Variants in FTCDNL1 observed in about 807,000 individuals in gnomAD.
The protein encoded by FTCDNL1 is formiminotransferase cyclodeaminase N-terminal like, also known as formiminotransferase N-terminal subdomain-containing protein.
A neutral mutation model predicts 5.9 loss-of-function variants in FTCDNL1; 11 were observed. The ratio of observed to expected loss-of-function variants is 1.87; its 90% CI spans 1.18 to 3.10. The LOEUF (loss-of-function observed/expected upper bound fraction) is 3.10, where lower values mean the gene tolerates loss of function less well. FTCDNL1 is among the 30% of genes most tolerant of loss of function. The pLI, the probability that FTCDNL1 is intolerant of heterozygous loss-of-function variation, is 0.00. For missense variants in FTCDNL1, 115 were observed against 65.5 expected (o/e 1.76, Z -2.61); for synonymous variants, 58 against 24.8 (o/e 2.34, Z -3.99).
chr2:199,702,112 G>A, the FTCDNL1 span, among the ~76,000 whole-genome samples: 1 of 152,052 alleles, frequency 6.6e-6, no homozygotes, highest in African/African-American at 2.4e-5. Context: ...ACAGAGAAGG[G>A]AACAACAGAC....
chr2:199,756,910 G>A (rs1477245202), downstream of FTCDNL1, among the ~76,000 whole-genome samples: 2 of 152,158 alleles, frequency 1.3e-5, no homozygotes, highest in African/African-American at 4.8e-5. Context: ...CAAACCATAA[G>A]CTGGCTCTCA....
chr2:199,761,238 G>A (rs1036039797), intron 3 of FTCDNL1, among the ~76,000 whole-genome samples: 16 of 152,210 alleles, frequency 1.1e-4, no homozygotes, highest in African/African-American at 3.9e-4. Flanking sequence ...ATCCCAGCCA[G>A]GGCCACATCA....
intron 3 of FTCDNL1, among the ~76,000 whole-genome samples, chr2:199,829,187 A>G (rs1702214833): frequency 6.6e-6 from 1 of 152,132 alleles, no homozygotes; most frequent in Non-Finnish European, 1.5e-5. Context: ...AGTTTTTTTT[A>G]GGTTATTTTT....
At chr2:199,665,499 G>A in the FTCDNL1 span, among the ~76,000 whole-genome samples, 1 of 151,908 alleles carries the variant, frequency 6.6e-6, no homozygotes, top group South Asian at 2.1e-4. Flanking sequence ...CTGGGGTGGT[G>A]GTGCACACTT....
At chr2:199,752,972 T>A in the FTCDNL1 span, among the ~76,000 whole-genome samples, 2 of 152,078 alleles carry the variant, frequency 1.3e-5, no homozygotes, top group African/African-American at 4.8e-5. Context: ...AATTGGTCTG[T>A]CTCATTGACG....
chr2:199,846,002 T>C (rs994332833), intron 3 of FTCDNL1, 73 bp downstream of exon 3: 186 of 600,408 alleles, frequency 3.1e-4, no homozygotes, highest in Non-Finnish European at 6.8e-5. Context: ...AGGAAATCAA[T>C]GATTAGAGAA....
chr2:199,773,153 G>A (rs902180343), intron 3 of FTCDNL1, among the ~76,000 whole-genome samples: 2 of 152,102 alleles, frequency 1.3e-5, no homozygotes, highest in Admixed American at 1.3e-4. Context: ...TGTTGTAATA[G>A]GGGTGGGGAC....
the FTCDNL1 span, among the ~76,000 whole-genome samples, chr2:199,707,829 C>A: frequency 6.6e-6 from 1 of 152,010 alleles, no homozygotes; most frequent in Non-Finnish European, 1.5e-5. Flanking sequence ...CTTTGTTCAT[C>A]TATACACAAT....
intron 3 of FTCDNL1, among the ~76,000 whole-genome samples, chr2:199,830,055 G>C (rs12470986): frequency 0.042 from 6,420 of 151,260 alleles, 335 homozygotes; most frequent in Admixed American, 0.13. Flanking sequence ...AAAAAAAAAA[G>C]CTCAAAATCT....
the FTCDNL1 span, among the ~76,000 whole-genome samples, chr2:199,674,674 T>A: frequency 6.6e-6 from 1 of 152,210 alleles, no homozygotes; most frequent in African/African-American, 2.4e-5. Flanking sequence ...TATGTCCTCA[T>A]ATGCACACTT....
At chr2:199,678,470 G>T in the FTCDNL1 span, among the ~76,000 whole-genome samples, 12 of 152,008 alleles carry the variant, frequency 7.9e-5, no homozygotes, top group Non-Finnish European at 4.4e-5. Flanking sequence ...CCTTTTTAAA[G>T]AATAATTTAA....
At chr2:199,686,413 T>G in the FTCDNL1 span, among the ~76,000 whole-genome samples, 12 of 152,236 alleles carry the variant, frequency 7.9e-5, no homozygotes, top group Non-Finnish European at 1.5e-4. Context: ...CTTTATATTT[T>G]AGATATAAAA....
downstream of FTCDNL1, among the ~76,000 whole-genome samples, chr2:199,808,698 C>G (rs1700860669): frequency 2.6e-5 from 4 of 152,286 alleles, no homozygotes; most frequent in South Asian, 8.3e-4. Flanking sequence ...TGCTTTTATC[C>G]CCTCTCATCT....
the FTCDNL1 span, among the ~76,000 whole-genome samples, chr2:199,693,897 C>T: frequency 6.6e-6 from 1 of 152,188 alleles, no homozygotes; most frequent in Non-Finnish European, 1.5e-5. Context: ...TCCTAATCGG[C>T]TTCATCTGGG....
chr2:199,802,095 T>A (rs989472688), intron 3 of FTCDNL1, among the ~76,000 whole-genome samples: 2 of 152,164 alleles, frequency 1.3e-5, no homozygotes, highest in African/African-American at 4.8e-5. Context: ...TGAAAGGACA[T>A]ATAACAAAGA....
At chr2:199,786,453 C>T (rs538971385) in intron 3 of FTCDNL1, among the ~76,000 whole-genome samples, 1 of 152,154 alleles carries the variant, frequency 6.6e-6, no homozygotes, top group South Asian at 2.1e-4. Context: ...TCCTGCCTAG[C>T]CCTTACTAAA....
chr2:199,782,640 C>T (rs1444129053), intron 3 of FTCDNL1, among the ~76,000 whole-genome samples: 1 of 152,148 alleles, frequency 6.6e-6, no homozygotes, highest in Non-Finnish European at 1.5e-5. Flanking sequence ...GACTGGTGGA[C>T]CTGAACCAGA....
intron 4 of FTCDNL1, among the ~76,000 whole-genome samples, chr2:199,816,099 T>C (rs976293755): frequency 3.9e-5 from 6 of 152,244 alleles, no homozygotes; most frequent in African/African-American, 1.2e-4. Context: ...AATATTTTAG[T>C]AGAAAGTCTT....
At chr2:199,778,979 G>C (rs1424282622) in intron 3 of FTCDNL1, among the ~76,000 whole-genome samples, 1 of 152,142 alleles carries the variant, frequency 6.6e-6, no homozygotes, top group Non-Finnish European at 1.5e-5. Flanking sequence ...TGGTAAGGAG[G>C]AACACTCAGT....
Sources: allele counts gnomAD v4.1 joint callset (sites outside exome capture counted in the v4.1 genomes callset), GRCh38; gene constraint gnomAD v4.1.1; transcripts MANE v1.5; gene names NCBI Gene and HGNC (gene_info 2026-07-23, HGNC 2026-07-21).